ABCC4: variants seen among roughly 807,000 people sequenced by gnomAD.
ABCC4 encodes ATP-binding cassette sub-family C member 4.
A neutral mutation model predicts 168.5 loss-of-function variants in ABCC4; 102 were observed. The observed-to-expected ratio is 0.61, with a 90% CI of 0.52 to 0.71. ABCC4 has a LOEUF of 0.71. Among genes scored for constraint, ABCC4 ranks in the 30% least tolerant of loss-of-function variants. The pLI is 0.00. For missense variants in ABCC4, 1,402 were observed against 1,605.8 expected (o/e 0.87, Z 2.17); for synonymous variants, 617 against 590.7 (o/e 1.04, Z -0.65).
intron 29 of ABCC4, among the ~76,000 whole-genome samples, chr13:95,037,078 T>A: frequency 1.7e-5 from 1 of 60,460 alleles, no homozygotes; most frequent in African/African-American, 6.4e-5. Flanking sequence ...AGTGAGACTC[T>A]GTGTCCAAAA....
chr13:95,286,169 G>A (rs1394645441), intron 1 of ABCC4, among the ~76,000 whole-genome samples: 1 of 126,756 alleles, frequency 7.9e-6, no homozygotes, highest in Non-Finnish European at 1.6e-5. Flanking sequence ...ACCCAGGCTG[G>A]AGTGCAGTGG....
At chr13:95,233,723 C>T (rs374320482) in intron 4 of ABCC4, among the ~76,000 whole-genome samples, 24 of 152,188 alleles carry the variant, frequency 1.6e-4, no homozygotes, top group African/African-American at 5.3e-4. Context: ...AAGTTATATA[C>T]AAATACTATG....
rs538083554 is a variant in ABCC4 at position 95,056,900 on chromosome 13, C to A, written c.3367-3716G>T. ...GATTATAGCTGTTGATGTATGCCAACCGTTAGGGTGCTATCATAAATGTTG... is the reference window on the plus strand; with the variant it reads ...GATTATAGCTGTTGATGTATGCCAAACGTTAGGGTGCTATCATAAATGTTG... On this transcript the variant is annotated intron_variant, in intron 26 of 30. Transcript: ENST00000645237. Among the ~76,000 whole-genome samples the A allele has an allele frequency of 1.4e-3, 214 of 152,324 alleles. 3 individuals are homozygous for A. Among genetic ancestry groups the A allele is most frequent in the African/African-American group, 4.9e-3 (204 of 41,570 alleles).
chr13:95,052,598 C>T (rs965395362), intron 27 of ABCC4, among the ~76,000 whole-genome samples: 1 of 152,162 alleles, frequency 6.6e-6, no homozygotes, highest in African/African-American at 2.4e-5. Flanking sequence ...TAAAATTACA[C>T]GTTTGCCAAT....
Position 95,291,912 on chromosome 13 carries a change from C to T in ABCC4, c.74+9329G>A, listed in dbSNP as rs118185478. 3.4e-3 allele frequency among the ~76,000 whole-genome samples: 512 copies of T among 151,966 alleles called. 2 individuals are homozygous for T. The highest frequency in any genetic ancestry group is 5.5e-3 in the Non-Finnish European group (375 of 68,000). On this transcript the variant is annotated intron_variant, in intron 1 of 30. Coordinates refer to ENST00000645237, the MANE Select transcript of ABCC4 (RefSeq NM_005845.5). ...AGTGAGCCAAGATCATACCACTGCACGCCAGCCTGGGCAACACAGTGAAAC... is the reference window on the plus strand; with the variant it reads ...AGTGAGCCAAGATCATACCACTGCATGCCAGCCTGGGCAACACAGTGAAAC...
intron 29 of ABCC4, among the ~76,000 whole-genome samples, chr13:95,038,094 G>A (rs1299417385): frequency 6.6e-6 from 1 of 152,012 alleles, no homozygotes; most frequent in Non-Finnish European, 1.5e-5. Context: ...AGCTCAAAGC[G>A]ATCCTCCCAC....
intron 1 of ABCC4, among the ~76,000 whole-genome samples, chr13:95,291,909 G>A (rs527980982): frequency 6.6e-6 from 1 of 152,064 alleles, no homozygotes; most frequent in Admixed American, 6.6e-5. Flanking sequence ...TCATACCACT[G>A]CACGCCAGCC....
At chr13:95,236,988 GCT>G (rs2039792295) in intron 3 of ABCC4, among the ~76,000 whole-genome samples, 1 of 152,218 alleles carries the variant, frequency 6.6e-6, no homozygotes, top group African/African-American at 2.4e-5. Flanking sequence ...TCAGCCAGAC[GCT>G]CAGTGCTCTT....
intron 26 of ABCC4, among the ~76,000 whole-genome samples, chr13:95,054,989 G>A (rs545204327): frequency 5.3e-5 from 8 of 152,228 alleles, no homozygotes; most frequent in African/African-American, 1.9e-4. Flanking sequence ...TGGAAACGAC[G>A]GTAAAATGGG....
chr13:95,080,101 T>C (rs1403168594), intron 21 of ABCC4, among the ~76,000 whole-genome samples: 1 of 152,152 alleles, frequency 6.6e-6, no homozygotes, highest in Non-Finnish European at 1.5e-5. Flanking sequence ...TCCCTATTCC[T>C]GTGCCGCTTA....
intron 30 of ABCC4, among the ~76,000 whole-genome samples, chr13:95,028,719 T>G (rs759441873): frequency 8.6e-5 from 13 of 151,828 alleles, no homozygotes; most frequent in Non-Finnish European, 1.8e-4. Flanking sequence ...AAGCAGAAAC[T>G]GATCAACTGG....
chr13:95,207,176 T>A (rs1186846858), intron 7 of ABCC4, among the ~76,000 whole-genome samples: 1 of 152,164 alleles, frequency 6.6e-6, no homozygotes, highest in Admixed American at 6.5e-5. Context: ...TACAGGCATG[T>A]GCCACCACGC....
At chr13:95,238,771 T>C (rs552205036) in intron 3 of ABCC4, among the ~76,000 whole-genome samples, 173 of 152,320 alleles carry the variant, frequency 1.1e-3, no homozygotes, top group African/African-American at 4.0e-3. Context: ...TTGTCCAGGC[T>C]GGTCTCGAAC....
chr13:95,032,153 T>C (rs747785866), intron 30 of ABCC4, among the ~76,000 whole-genome samples: 2 of 152,216 alleles, frequency 1.3e-5, no homozygotes, highest in African/African-American at 2.4e-5. Context: ...TCTTTATTCA[T>C]ACACAATGTG....
intron 1 of ABCC4, among the ~76,000 whole-genome samples, chr13:95,259,712 T>C (rs1043011344): frequency 1.3e-5 from 2 of 152,234 alleles, no homozygotes; most frequent in African/African-American, 4.8e-5. Context: ...TGCAAGACAA[T>C]GACAGCAGTC....
chr13:95,237,849 C>T (rs909514250), intron 3 of ABCC4, among the ~76,000 whole-genome samples: 2 of 151,972 alleles, frequency 1.3e-5, no homozygotes, highest in African/African-American at 4.8e-5. Flanking sequence ...GTGAAAAATA[C>T]AAGCAGAAAA....
intron 21 of ABCC4, among the ~76,000 whole-genome samples, chr13:95,081,413 CA>C (rs1358996996): frequency 6.6e-6 from 1 of 152,166 alleles, no homozygotes; most frequent in East Asian, 1.9e-4. Context: ...TGAGCGGGCC[CA>C]AACCATAAAA....
chr13:95,109,140 G>T (rs1284410178), intron 20 of ABCC4, among the ~76,000 whole-genome samples: 1 of 152,212 alleles, frequency 6.6e-6, no homozygotes, highest in African/African-American at 2.4e-5. Context: ...CATACAGGAG[G>T]TGTCCAAGAA....
At chr13:95,253,642 G>C (rs2138827180) in intron 1 of ABCC4, among the ~76,000 whole-genome samples, 1 of 152,110 alleles carries the variant, frequency 6.6e-6, no homozygotes, top group South Asian at 2.1e-4. Flanking sequence ...CTACTCGGGA[G>C]GCTGAGGTAG....
Sources: gnomAD v4.1 joint callset for allele counts (sites outside exome capture counted in the v4.1 genomes callset) on GRCh38, gnomAD v4.1.1 for gene constraint, MANE v1.5 for transcripts, NCBI Gene and HGNC (gene_info 2026-07-23, HGNC 2026-07-21) for gene names.